The following PLA2G15 variants were observed in gnomAD, a reference collection of about 807,000 sequenced individuals.
PLA2G15 encodes phospholipase A2 group XV.
Under a neutral mutation model 40.9 loss-of-function variants are expected in PLA2G15, and 20 were observed. That is an observed-to-expected ratio of 0.49 (90% CI 0.34 to 0.71). PLA2G15 has a LOEUF of 0.71. Among genes scored for constraint, PLA2G15 ranks in the 30% least tolerant of loss-of-function variants. PLA2G15 has a pLI of 0.01. For synonymous variants in PLA2G15, 223 were observed against 228.2 expected, an observed-to-expected ratio of 0.98 and a Z score of 0.21; for missense variants, 471 against 541.9, an observed-to-expected ratio of 0.87 and a Z score of 1.30.
At position 68,256,862 on chromosome 16, in the gene PLA2G15, G is replaced by C. The variant is rs543479825; in HGVS notation, c.727+872G>C. Among the ~76,000 whole-genome samples, 5 of 151,666 alleles carry C rather than the reference G, an allele frequency of 3.3e-5. No homozygotes were observed. The South Asian group carries it at 6.2e-4, about 19-fold the overall frequency. ...TCTTCATCCCCACCTTCACCGCAGA[G>C]GAGGAAGGCTAGAGCATTTTTTTTT... is the stretch of plus-strand genomic sequence containing the variant. On this transcript the variant is annotated intron_variant, in intron 5 of 5. Transcript: ENST00000219345.
At position 68,249,335 on chromosome 16, in the gene PLA2G15, C is replaced by G; in HGVS notation, c.173C>G (p.Pro58Arg). The G allele has an allele frequency of 6.2e-7, 1 of 1,614,056 alleles. No homozygotes were observed. The highest frequency in any genetic ancestry group is 1.1e-5 in the South Asian group (1 of 91,080). The change falls in exon 2 of 6, where the codon CCG becomes CGG. Residue 58 changes from proline (P) to arginine (R), a missense_variant. Pro to Arg is a moderately radical substitution (Grantham distance 103). Transcript: ENST00000219345. ...CAACTGGAAGCCAAGCTGGACAAGCCGACAGTGGTGCACTACCTCTGCTCC... is the reference window on the plus strand; with the variant it reads ...CAACTGGAAGCCAAGCTGGACAAGCGGACAGTGGTGCACTACCTCTGCTCC... ...GNQLEAKLDK[P>R]TVVHYLCSKK... is the part of the protein sequence containing the mutation.
At chr16:68,253,369 T>G in intron 2 of PLA2G15, 1 of 425,734 alleles carries the variant, frequency 2.3e-6, no homozygotes, top group South Asian at 1.8e-5. Flanking sequence ...CTAGGGTTTG[T>G]TTTTGTTTGT....
In PLA2G15 at chr16:68,260,721, C is replaced by G. The variant is rs946640352; in HGVS notation, c.*1064C>G. 2 of 152,220 alleles carry G rather than the reference C, an allele frequency of 1.3e-5. No homozygotes were observed. Among genetic ancestry groups the G allele is most frequent in the African/African-American group, 4.8e-5 (2 of 41,436 alleles). The allele number at this position is 152,220 out of a possible 1,614,324, so 9.4% of individuals were successfully genotyped here. A position where few individuals can be genotyped will look rare whatever the true frequency, so the allele number is the denominator to read the frequency against. ...ATGGGACCCTGAGAGAGCCAGGGGT[C>G]CCCTGAGGCCCCCCTAGGGGCTTTC... On this transcript the variant is annotated 3_prime_UTR_variant, in exon 6 of 6. Coordinates refer to ENST00000219345, the MANE Select transcript of PLA2G15 (RefSeq NM_012320.4).
In PLA2G15 at chr16:68,260,741, GCTTT is replaced by G. The variant is rs2042441518; in HGVS notation, c.*1087_*1090del. On this transcript the variant is annotated 3_prime_UTR_variant, in exon 6 of 6. Transcript: ENST00000219345. Reference sequence around the variant, plus strand: ...GGGGTCCCCTGAGGCCCCCCTAGGGGCTTTCTGTCTGCCCCAGGGTGCTCCATGG... The same window carrying G: ...GGGGTCCCCTGAGGCCCCCCTAGGGGCTGTCTGCCCCAGGGTGCTCCATGG... 1 of 152,248 alleles carries G rather than the reference GCTTT, an allele frequency of 6.6e-6. No homozygotes were observed. The highest frequency in any genetic ancestry group is 1.5e-5 in the Non-Finnish European group (1 of 68,066). The allele number at this position is 152,248 out of a possible 1,614,324, so 9.4% of individuals were successfully genotyped here.
At chr16:68,249,532 C>A in intron 2 of PLA2G15, 86 bp downstream of exon 2, 2 of 1,288,592 alleles carry the variant, frequency 1.6e-6, no homozygotes, top group Non-Finnish European at 2.2e-6. Flanking sequence ...ATCCTCATCT[C>A]GAGGTCACTG....
chr16:68,255,827 TG>T lies in PLA2G15; in HGVS notation c.569del (p.Gly190AlafsTer65), dbSNP rs1297059502. On this transcript the variant is annotated frameshift_variant, in exon 5 of 6. Transcript: ENST00000219345. LOFTEE classifies it high-confidence loss of function. This position sits in a 1 kb window ranked among gnomAD's most constrained non-coding sequence, Gnocchi z 5.9. ...TGATCGAGGAGATGTACCAGCTGTATGGGGGCCCCGTGGTGCTGGTTGCCCA... is the reference window on the plus strand; with the variant it reads ...TGATCGAGGAGATGTACCAGCTGTATGGGGCCCCGTGGTGCTGGTTGCCCA... ...EMIEEMYQLY[G>X]GPVVLVAHSM... 3.1e-6 allele frequency: 5 copies of T among 1,614,160 alleles called. No homozygotes were observed. Among genetic ancestry groups the T allele is most frequent in the Non-Finnish European group, 4.2e-6 (5 of 1,180,008 alleles).
chr16:68,258,138 C>T (rs184573316), intron 5 of PLA2G15, among the ~76,000 whole-genome samples: 2 of 152,292 alleles, frequency 1.3e-5, no homozygotes, highest in African/African-American at 2.4e-5. Flanking sequence ...CCCTGACTGC[C>T]GGGTGTTTGT....
rs2042441155 is a variant in PLA2G15, at chr16:68,260,715, A to AGG, written c.*1061_*1062dup. Reference sequence around the variant, plus strand: ...ACTTGAATGGGACCCTGAGAGAGCCAGGGGTCCCCTGAGGCCCCCCTAGGG... The same window carrying AGG: ...ACTTGAATGGGACCCTGAGAGAGCCAGGGGGGTCCCCTGAGGCCCCCCTAGGG... On this transcript the variant is annotated 3_prime_UTR_variant, in exon 6 of 6. Coordinates refer to ENST00000219345, the MANE Select transcript of PLA2G15 (RefSeq NM_012320.4). 6.6e-6 allele frequency: 1 copy of AGG among 152,220 alleles called. No homozygotes were observed. Among genetic ancestry groups the AGG allele is most frequent in the African/African-American group, 2.4e-5 (1 of 41,454 alleles). 9.4% of individuals were successfully genotyped at this position (152,220 alleles called of 1,614,324 possible). A position where few individuals can be genotyped will look rare whatever the true frequency, so the allele number is the denominator to read the frequency against.
At chr16:68,252,854 G>A (rs1308377173) in intron 2 of PLA2G15, among the ~76,000 whole-genome samples, 1 of 152,048 alleles carries the variant, frequency 6.6e-6, no homozygotes, top group East Asian at 1.9e-4. Context: ...GGTGGTGCCT[G>A]CCTAGCTGTT....
At position 68,255,234 on chromosome 16, in the gene PLA2G15, G is replaced by A. The variant is rs749263855; in HGVS notation, c.404-48G>A. ...CTCCATGCTGGGCATAGTGTAGGTG[G>A]CCGGCACTAGCTGTATCTTTTCTTA... On this transcript the variant is annotated intron_variant, in intron 3 of 5. Transcript: ENST00000219345. This position sits in a 1 kb window ranked among gnomAD's most constrained non-coding sequence, Gnocchi z 5.9. 6 of 1,372,958 alleles carry A rather than the reference G, an allele frequency of 4.4e-6. No individual in the cohort carries two copies. In the South Asian group the frequency reaches 7.0e-5, roughly 16 times the overall value. 85.0% of individuals were successfully genotyped at this position (1,372,958 alleles called of 1,614,324 possible). A position where few individuals can be genotyped will look rare whatever the true frequency, so the allele number is the denominator to read the frequency against.
In PLA2G15 at chr16:68,260,023, C is replaced by T. The variant is rs780893626; in HGVS notation, c.*366C>T. 7 of 280,662 alleles carry T rather than the reference C, an allele frequency of 2.5e-5. No homozygotes were observed. The highest frequency in any genetic ancestry group is 4.4e-5 in the African/African-American group (2 of 45,850). The allele number at this position is 280,662 out of a possible 1,614,324, so 17.4% of individuals were successfully genotyped here. On this transcript the variant is annotated 3_prime_UTR_variant, in exon 6 of 6. Transcript: ENST00000219345. ...TTCATACTTGCCTACTGGGCCCTGG[C>T]CCCGCAGCCTTCCTATGAGGGATGT...
In PLA2G15 at chr16:68,254,955, T is replaced by C. The variant is rs1277686740; in HGVS notation, c.321T>C (p.Phe107=). 1 of 1,613,828 alleles carries C rather than the reference T, an allele frequency of 6.2e-7. No homozygotes were observed. The highest frequency in any genetic ancestry group is 1.3e-5 in the African/African-American group (1 of 74,912). ...VYNKTSRATQ[F]PDGVDVRVPG... The stretch of plus-strand genomic sequence containing the variant: ...ACAAAACATCCAGGGCCACCCAGTT[T>C]CCTGATGGTGTGGATGTACGTGTCC... Residue 107 remains phenylalanine, a synonymous_variant, in exon 3 of 6, where the codon TTT becomes TTC. Transcript: ENST00000219345.
intron 1 of PLA2G15, 69 bp downstream of exon 1, chr16:68,245,622 G>T: frequency 6.7e-7 from 1 of 1,501,704 alleles, no homozygotes; most frequent in South Asian, 1.2e-5. Flanking sequence ...CTGCCTTCCC[G>T]GTCTGCTTCT....
Position 68,259,253 on chromosome 16 carries a change from GAGA to G in PLA2G15, c.838_840del (p.Lys280del). 1.2e-6 allele frequency: 2 copies of G among 1,613,968 alleles called. No individual in the cohort carries two copies. The highest frequency in any genetic ancestry group is 1.7e-6 in the Non-Finnish European group (2 of 1,180,038). On this transcript the variant is annotated inframe_deletion, in exon 6 of 6. Coordinates refer to ENST00000219345, the MANE Select transcript of PLA2G15 (RefSeq NM_012320.4). The surrounding 1 kb of genome is among the most constrained non-coding windows in gnomAD (Gnocchi z 6.5). ...GCCCTACAACTACACATGGTCACCT[GAGA>G]AGGTGTTCGTGCAGACACCCACAAT... is the stretch of plus-strand genomic sequence containing the variant.
At position 68,255,659 on chromosome 16, in the gene PLA2G15, G is replaced by A; in HGVS notation, c.503-107G>A. 3.3e-6 allele frequency: 3 copies of A among 918,220 alleles called. No individual in the cohort carries two copies. The highest frequency in any genetic ancestry group is 5.3e-6 in the Non-Finnish European group (3 of 570,764). 56.9% of individuals were successfully genotyped at this position (918,220 alleles called of 1,614,324 possible). ...GACCCAGACCGCTCTGTTTGAATGT[G>A]AGCACCCTCCCCTCCCCCTCTCGTC... On this transcript the variant is annotated intron_variant, in intron 4 of 5. Coordinates refer to ENST00000219345, the MANE Select transcript of PLA2G15 (RefSeq NM_012320.4). The surrounding 1 kb of genome is among the most constrained non-coding windows in gnomAD (Gnocchi z 5.9).
At chr16:68,248,527 A>G in intron 1 of PLA2G15, 1 of 171,212 alleles carries the variant, frequency 5.8e-6, no homozygotes, top group South Asian at 8.9e-5. Flanking sequence ...CTGGGATTAC[A>G]GGTGTGTGCC....
intron 1 of PLA2G15, chr16:68,248,382 G>A (rs1419193197): frequency 6.5e-6 from 1 of 153,284 alleles, no homozygotes; most frequent in Non-Finnish European, 1.5e-5. Context: ...AGCCTCCAGG[G>A]TATATATCTT....
rs574282048 is a variant in PLA2G15, at chr16:68,255,644, G to A, written c.503-122G>A. 23 of 801,648 alleles carry A rather than the reference G, an allele frequency of 2.9e-5. 1 individual carries two copies. The highest frequency in any genetic ancestry group is 1.5e-4 in the Admixed American group (7 of 45,510). The allele number at this position is 801,648 out of a possible 1,614,324, so 49.7% of individuals were successfully genotyped here. A position where few individuals can be genotyped will look rare whatever the true frequency, so the allele number is the denominator to read the frequency against. On this transcript the variant is annotated intron_variant, in intron 4 of 5. Transcript: ENST00000219345. This position sits in a 1 kb window ranked among gnomAD's most constrained non-coding sequence, Gnocchi z 5.9. ...CATGGAAGGCGGGGGGACCCAGACC[G>A]CTCTGTTTGAATGTGAGCACCCTCC... is the stretch of plus-strand genomic sequence containing the variant.
At chr16:68,250,174 C>CTTTTT (rs1175749953) in intron 2 of PLA2G15, 13 of 134,266 alleles carry the variant, frequency 9.7e-5, no homozygotes, top group South Asian at 3.2e-4. Flanking sequence ...CTTCCATTCA[C>CTTTTT]TTTTTTTTTT....
Sources: gnomAD v4.1 joint callset for allele counts (sites outside exome capture counted in the v4.1 genomes callset) on GRCh38, gnomAD v4.1.1 for gene constraint, Gnocchi (gnomAD v3.1) non-coding constraint, MANE v1.5 for transcripts, NCBI Gene and HGNC (gene_info 2026-07-23, HGNC 2026-07-21) for gene names.